The following TAFA2 variants were observed in gnomAD, a reference collection of about 807,000 sequenced individuals.
The protein encoded by TAFA2 is chemokine-like protein TAFA-2.
Under a neutral mutation model 18.8 loss-of-function variants are expected in TAFA2, and 7 were observed. That is an observed-to-expected ratio of 0.37 (90% CI 0.21 to 0.70). TAFA2 has a LOEUF of 0.70. Ranked by LOEUF, TAFA2 falls within the 30% of genes least tolerant of loss-of-function variation. The pLI, the probability that TAFA2 is intolerant of heterozygous loss-of-function variation, is 0.53. For missense variants in TAFA2, 122 were observed against 158.1 expected (o/e 0.77, Z 1.23); for synonymous variants, 60 against 54.2 (o/e 1.11, Z -0.47).
chr12:61,938,566 C>A (rs887985353), intron 1 of TAFA2, among the ~76,000 whole-genome samples: 4 of 151,842 alleles, frequency 2.6e-5, no homozygotes, highest in African/African-American at 7.3e-5. Context: ...GGGTATCTAC[C>A]CAAAGAAAAG....
chr12:62,013,571 T>C (rs1256717455), intron 1 of TAFA2, among the ~76,000 whole-genome samples: 1 of 152,204 alleles, frequency 6.6e-6, no homozygotes, highest in East Asian at 1.9e-4. Flanking sequence ...GTGGCTCTGT[T>C]GGAGTTACTC....
chr12:61,869,054 A>G (rs1218856026), intron 1 of TAFA2, among the ~76,000 whole-genome samples: 1 of 152,258 alleles, frequency 6.6e-6, no homozygotes, highest in East Asian at 1.9e-4. Context: ...AGTCATTTGT[A>G]TATGTTTGAT....
At chr12:61,868,109 A>G (rs1043823142) in intron 1 of TAFA2, among the ~76,000 whole-genome samples, 3 of 152,170 alleles carry the variant, frequency 2.0e-5, no homozygotes, top group African/African-American at 7.2e-5. Flanking sequence ...AACTAGAAAA[A>G]GCAAAAAATG....
chr12:62,041,042 G>A (rs367872463), intron 1 of TAFA2, among the ~76,000 whole-genome samples: 4 of 152,054 alleles, frequency 2.6e-5, no homozygotes, highest in Admixed American at 6.6e-5. Context: ...TATTCAGACC[G>A]TTTTTATCAT....
At position 62,243,792 on chromosome 12, in the gene TAFA2, C is replaced by CT. The variant is rs371554906; in HGVS notation, c.-130+14970dup. Among the ~76,000 whole-genome samples the CT allele has an allele frequency of 2.8e-3, 428 of 152,246 alleles. 8 individuals carry two copies. The highest frequency in any genetic ancestry group is 9.8e-3 in the African/African-American group (407 of 41,548). Reference sequence around the variant, plus strand: ...TTCCTCTTCCAAGCTGTTTAACATTCTTTTTTGAGACAGGGTCTTGCTCTA... The same window carrying CT: ...TTCCTCTTCCAAGCTGTTTAACATTCTTTTTTTGAGACAGGGTCTTGCTCTA... On this transcript the variant is annotated intron_variant, in intron 1 of 5. Transcript: ENST00000551619.
At chr12:61,747,030 AAAC>A (rs1450032876) in intron 4 of TAFA2, among the ~76,000 whole-genome samples, 1 of 152,134 alleles carries the variant, frequency 6.6e-6, no homozygotes, top group Non-Finnish European at 1.5e-5. Flanking sequence ...AGAAAAAAAC[AAAC>A]AACCCCATCA....
intron 1 of TAFA2, among the ~76,000 whole-genome samples, chr12:62,117,927 G>A (rs889991570): frequency 2.0e-5 from 3 of 151,906 alleles, no homozygotes; most frequent in Non-Finnish European, 4.4e-5. Context: ...ATAATAATCC[G>A]TGGCTTATAA....
At chr12:62,002,154 T>G (rs1404347077) in intron 1 of TAFA2, among the ~76,000 whole-genome samples, 1 of 152,204 alleles carries the variant, frequency 6.6e-6, no homozygotes, top group East Asian at 1.9e-4. Context: ...TAGTGGCTTA[T>G]GTTTCACTGC....
chr12:61,742,114 C>T (rs903686306), intron 4 of TAFA2, among the ~76,000 whole-genome samples: 2 of 152,156 alleles, frequency 1.3e-5, no homozygotes, highest in African/African-American at 2.4e-5. Context: ...TGGCTGGTCT[C>T]GAACATCTGG....
intron 1 of TAFA2, among the ~76,000 whole-genome samples, chr12:62,011,290 G>A (rs542700351): frequency 4.6e-5 from 7 of 152,236 alleles, no homozygotes; most frequent in East Asian, 3.9e-4. Context: ...TGACGATGGC[G>A]GTTTTGTTGA....
In TAFA2 at chr12:61,812,270, G is replaced by A. The variant is rs1871902132; in HGVS notation, c.106+55050C>T. ...GGACTGAAGACATAATAAGAAAGGG[G>A]GAAAGATCCCTTAAACTCTGGGAAT... On this transcript the variant is annotated intron_variant, in intron 2 of 4. Coordinates refer to ENST00000416284, the MANE Select transcript of TAFA2 (RefSeq NM_178539.5). 2.0e-5 allele frequency among the ~76,000 whole-genome samples: 3 copies of A among 151,462 alleles called. No individual in the cohort carries two copies. The South Asian group carries it at 6.2e-4, about 31-fold the overall frequency.
chr12:62,197,465 T>C (rs977352082), upstream of TAFA2, among the ~76,000 whole-genome samples: 2 of 152,238 alleles, frequency 1.3e-5, no homozygotes, highest in East Asian at 1.9e-4. Context: ...TGAAGTATAA[T>C]TGATATACAA....
chr12:62,211,988 A>T (rs1190305016), intron 1 of TAFA2, among the ~76,000 whole-genome samples: 1 of 152,246 alleles, frequency 6.6e-6, no homozygotes, highest in East Asian at 1.9e-4. Context: ...ATACATCCCA[A>T]AAGTCAATAC....
At chr12:62,022,388 T>C (rs1324050315) in intron 1 of TAFA2, among the ~76,000 whole-genome samples, 2 of 152,224 alleles carry the variant, frequency 1.3e-5, no homozygotes, top group Non-Finnish European at 2.9e-5. Context: ...TTTTCTTCCA[T>C]AGCAAACACA....
intron 1 of TAFA2, among the ~76,000 whole-genome samples, chr12:62,096,462 T>C (rs1259274634): frequency 6.6e-6 from 1 of 152,120 alleles, no homozygotes. Flanking sequence ...TGCAGAACAT[T>C]TGTTTTTTAA....
At chr12:62,071,676 A>G (rs1020258601) in intron 1 of TAFA2, among the ~76,000 whole-genome samples, 1 of 152,196 alleles carries the variant, frequency 6.6e-6, no homozygotes. Flanking sequence ...AGAGTTGTAG[A>G]CCTGAGCCAT....
intron 1 of TAFA2, among the ~76,000 whole-genome samples, chr12:62,034,235 T>C (rs990922636): frequency 5.9e-5 from 9 of 152,128 alleles, no homozygotes; most frequent in African/African-American, 1.7e-4. Flanking sequence ...TCAGCAGATA[T>C]GTTCACCTTG....
intron 1 of TAFA2, among the ~76,000 whole-genome samples, chr12:61,935,790 T>C (rs151107148): frequency 1.4e-3 from 215 of 151,868 alleles, no homozygotes; most frequent in African/African-American, 4.9e-3. Context: ...GCCCCCAAGA[T>C]TGAACTAGGA....
At chr12:61,866,910 T>C (rs746048793) in intron 2 of TAFA2, among the ~76,000 whole-genome samples, 12 of 152,132 alleles carry the variant, frequency 7.9e-5, no homozygotes, top group Non-Finnish European at 1.8e-4. Flanking sequence ...TTTTTTATTT[T>C]TTTTTCCTTT....
Sources: gnomAD v4.1 joint callset for allele counts (sites outside exome capture counted in the v4.1 genomes callset) on GRCh38, gnomAD v4.1.1 for gene constraint, MANE v1.5 for transcripts, NCBI Gene and HGNC (gene_info 2026-07-23, HGNC 2026-07-21) for gene names.